The following ARRB2 variants were observed in gnomAD, a reference collection of about 807,000 sequenced individuals.
ARRB2 encodes arrestin beta 2.
Under a neutral mutation model 53.4 loss-of-function variants are expected in ARRB2, and 21 were observed. The ratio of observed to expected loss-of-function variants is 0.39; its 90% CI spans 0.28 to 0.57. The LOEUF is 0.57. Ranked by LOEUF, ARRB2 falls within the 20% of genes least tolerant of loss-of-function variation. The pLI, the probability that ARRB2 is intolerant of heterozygous loss-of-function variation, is 0.55. For missense variants in ARRB2, 369 were observed against 527.5 expected, an observed-to-expected ratio of 0.70 and a Z score of 2.94; for synonymous variants, 180 against 212.9, an observed-to-expected ratio of 0.85 and a Z score of 1.34.
chr17:4,716,983 C>T (rs1269137038), intron 5 of ARRB2: 4 of 589,240 alleles, frequency 6.8e-6, no homozygotes, highest in African/African-American at 1.9e-5. Flanking sequence ...TACAGGCACG[C>T]ACCACCACAC....
chr17:4,711,277 G>T (rs1391546426), intron 1 of ARRB2, among the ~76,000 whole-genome samples: 1 of 152,066 alleles, frequency 6.6e-6, no homozygotes, highest in South Asian at 2.1e-4. Flanking sequence ...AGCCGAGTGC[G>T]TGGCGACCCT....
Position 4,717,776 on chromosome 17 carries a change from G to A in ARRB2, c.485+24G>A. ...AGGTAAGGGAAGTGACCTCCTCTGT[G>A]GTGTAAGAGGAGGCTTTCCTCCCCG... On this transcript the variant is annotated intron_variant, in intron 7 of 14. Coordinates refer to ENST00000269260, the MANE Select transcript of ARRB2 (RefSeq NM_004313.4). This position sits in a 1 kb window ranked among gnomAD's most constrained non-coding sequence, Gnocchi z 6.0. 1 of 1,601,888 alleles carries A rather than the reference G, an allele frequency of 6.2e-7. No homozygotes were observed. Among genetic ancestry groups the A allele is most frequent in the Non-Finnish European group, 8.5e-7 (1 of 1,173,806 alleles).
chr17:4,718,782 C>CTT (rs11463798), intron 10 of ARRB2, 98 bp downstream of exon 10: 56,408 of 861,300 alleles, frequency 0.065, 405 homozygotes, highest in East Asian at 0.097. Context: ...CCATCTCCAC[C>CTT]TTTTTTTTTT....
At chr17:4,720,527 T>G in intron 13 of ARRB2, 55 bp downstream of exon 13, 1 of 1,583,682 alleles carries the variant, frequency 6.3e-7, no homozygotes, top group South Asian at 1.1e-5. Flanking sequence ...GCAGGGCCAG[T>G]GGAGGAAAAC....
chr17:4,721,039 G>C lies in ARRB2; in HGVS notation c.1230G>C (p.Ter410TyrextTer15). 6.2e-7 allele frequency: 1 copy of C among 1,613,938 alleles called. No homozygotes were observed. Among genetic ancestry groups the C allele is most frequent in the Non-Finnish European group, 8.5e-7 (1 of 1,179,854 alleles). The part of the protein sequence containing the change: ...KDDDYDDQLC[*>Y] ...ACGACTATGATGATCAACTCTGCTA[G>C]GAAGCGGGGTGGGAAGAAGGGAGGG... Residue 410 changes from the stop codon to tyrosine (Y), a stop_lost, in exon 15 of 15, where the codon TAG (stop) becomes TAC (tyrosine). Coordinates refer to ENST00000269260, the MANE Select transcript of ARRB2 (RefSeq NM_004313.4). This position sits in a 1 kb window ranked among gnomAD's most constrained non-coding sequence, Gnocchi z 4.2.
At chr17:4,720,329 G>T (rs1915563249) in intron 12 of ARRB2, 30 bp downstream of exon 12, 1 of 1,613,706 alleles carries the variant, frequency 6.2e-7, no homozygotes. Flanking sequence ...CTGGGTGGGG[G>T]TCACACTGGC....
At chr17:4,715,817 C>T in intron 2 of ARRB2, 156 bp from the exon 3 acceptor site, 1 of 796,236 alleles carries the variant, frequency 1.3e-6, no homozygotes, top group Non-Finnish European at 2.0e-6. Context: ...GAAACGCCAC[C>T]ACCCTCACTT....
chr17:4,721,293 T>A lies in ARRB2; in HGVS notation c.*254T>A. The stretch of plus-strand genomic sequence containing the variant: ...CCCCGCCGTGGGTGGCAAGCTGTGT[T>A]CATACCTAAATTTTCTGGAAGGGGA... On this transcript the variant is annotated 3_prime_UTR_variant, in exon 15 of 15. Transcript: ENST00000269260. The surrounding 1 kb of genome is among the most constrained non-coding windows in gnomAD (Gnocchi z 4.2). The A allele has an allele frequency of 2.0e-6, 1 of 491,130 alleles. No individual in the cohort carries two copies. Among genetic ancestry groups the A allele is most frequent in the South Asian group, 3.5e-5 (1 of 28,794 alleles). The allele number at this position is 491,130 out of a possible 1,614,324, so 30.4% of individuals were successfully genotyped here. A position where few individuals can be genotyped will look rare whatever the true frequency, so the allele number is the denominator to read the frequency against.
rs751248133 is a variant in ARRB2, at chr17:4,717,240, C to T, written c.381C>T (p.Ser127=). Residue 127 remains serine (S), a synonymous_variant, in exon 6 of 15, where the codon TCC becomes TCT. Coordinates refer to ENST00000269260, the MANE Select transcript of ARRB2 (RefSeq NM_004313.4). The surrounding 1 kb of genome is among the most constrained non-coding windows in gnomAD (Gnocchi z 6.0). Reference sequence around the variant, plus strand: ...AGATACCCCAGAATCTTCCATGCTCCGTCACACTGCAGCCAGGCCCAGAGG... The same window carrying T: ...AGATACCCCAGAATCTTCCATGCTCTGTCACACTGCAGCCAGGCCCAGAGG... ...FFTIPQNLPC[S]VTLQPGPEDT... is the part of the protein sequence containing the mutation. 8.1e-6 allele frequency: 13 copies of T among 1,614,000 alleles called. No individual in the cohort carries two copies. The highest frequency in any genetic ancestry group is 1.7e-5 in the Admixed American group (1 of 60,002).
chr17:4,719,452 G>A (rs971266140), intron 11 of ARRB2, 32 bp downstream of exon 11: 41 of 1,609,008 alleles, frequency 2.5e-5, no homozygotes, highest in Non-Finnish European at 3.5e-5. Flanking sequence ...GTCCCCTGCA[G>A]GCCAGGGGCC....
chr17:4,713,497 G>T (rs961601099), intron 1 of ARRB2, among the ~76,000 whole-genome samples: 3 of 151,928 alleles, frequency 2.0e-5, no homozygotes, highest in Non-Finnish European at 4.4e-5. Flanking sequence ...CGGGCGTGGT[G>T]GTGGGTGCCT....
In ARRB2 at chr17:4,717,436, T is replaced by G. The variant is rs190197690; in HGVS notation, c.417+160T>G. The stretch of plus-strand genomic sequence containing the variant: ...AGTGGGGCGTATGTGGTGGTCATTG[T>G]GCACGCATGACACTGCCTCCTGCTC... On this transcript the variant is annotated intron_variant, in intron 6 of 14. Coordinates refer to ENST00000269260, the MANE Select transcript of ARRB2 (RefSeq NM_004313.4). This position sits in a 1 kb window ranked among gnomAD's most constrained non-coding sequence, Gnocchi z 6.0. The G allele has an allele frequency of 9.3e-6, 9 of 964,372 alleles. No individual in the cohort carries two copies. The East Asian group carries it at 2.0e-4, about 21-fold the overall frequency. 59.7% of individuals were successfully genotyped at this position (964,372 alleles called of 1,614,324 possible). A position where few individuals can be genotyped will look rare whatever the true frequency, so the allele number is the denominator to read the frequency against.
intron 4 of ARRB2, 77 bp downstream of exon 4, chr17:4,716,268 C>A: frequency 1.2e-6 from 2 of 1,609,444 alleles, no homozygotes; most frequent in Non-Finnish European, 1.7e-6. Context: ...GGAAGGGCGC[C>A]CCAGAGAGAT....
chr17:4,715,117 C>T, intron 2 of ARRB2, 74 bp downstream of exon 2: 1 of 1,514,324 alleles, frequency 6.6e-7, no homozygotes, highest in Non-Finnish European at 9.0e-7. Context: ...CTAGACGATC[C>T]CCAACCTACC....
At position 4,718,588 on chromosome 17, in the gene ARRB2, G is replaced by A. The variant is rs562865273; in HGVS notation, c.707-24G>A. Reference sequence around the variant, plus strand: ...GGTGGCTTGTGCTCCATCCAGAGCTGCCTGACCCCGTCCCACCCCACAGTG... The same window carrying A: ...GGTGGCTTGTGCTCCATCCAGAGCTACCTGACCCCGTCCCACCCCACAGTG... On this transcript the variant is annotated intron_variant, in intron 9 of 14. Coordinates refer to ENST00000269260, the MANE Select transcript of ARRB2 (RefSeq NM_004313.4). The A allele has an allele frequency of 2.5e-5, 41 of 1,610,512 alleles. No homozygotes were observed. The East Asian group carries it at 8.9e-4, about 35-fold the overall frequency.
At chr17:4,716,667 TG>T in intron 5 of ARRB2, 59 bp downstream of exon 5, 1 of 1,534,392 alleles carries the variant, frequency 6.5e-7, no homozygotes. Context: ...GTGTCTGGGG[TG>T]GGGGTAAGGC....
Position 4,715,022 on chromosome 17 carries a change from GA to G in ARRB2, c.35del (p.Lys12SerfsTer18). 6.2e-7 allele frequency: 1 copy of G among 1,604,578 alleles called. No individual in the cohort carries two copies. Among genetic ancestry groups the G allele is most frequent in the Non-Finnish European group, 8.5e-7 (1 of 1,175,336 alleles). ...CTTTCTGTTTTGTTAGGGTCTTCAA[GA>G]AGTCGAGCCCTAACTGCAAGGTGAG... is the stretch of plus-strand genomic sequence containing the variant. Reference protein sequence around the residue: ...GEKPGTRVFKKSSPNCKLTVY... With the variant: ...GEKPGTRVFKXSSPNCKLTVY... On this transcript the variant is annotated frameshift_variant, in exon 2 of 15. Transcript: ENST00000269260. LOFTEE classifies it high-confidence loss of function.
chr17:4,714,238 T>C (rs1914724560), intron 1 of ARRB2, among the ~76,000 whole-genome samples: 1 of 152,224 alleles, frequency 6.6e-6, no homozygotes, highest in Admixed American at 6.5e-5. Context: ...CTGGGTCAGC[T>C]TCCTAAAGGC....
Position 4,717,837 on chromosome 17 carries a change from A to C in ARRB2, c.486-51A>C. On this transcript the variant is annotated intron_variant, in intron 7 of 14. Transcript: ENST00000269260. The surrounding 1 kb of genome is among the most constrained non-coding windows in gnomAD (Gnocchi z 6.0). Reference sequence around the variant, plus strand: ...CCCAGGCCCCGTGCGGGGGAGGAGTAGGGTTGGGGTGTGTGAGGAATGACC... The same window carrying C: ...CCCAGGCCCCGTGCGGGGGAGGAGTCGGGTTGGGGTGTGTGAGGAATGACC... 6.2e-7 allele frequency: 1 copy of C among 1,613,838 alleles called. No homozygotes were observed. Among genetic ancestry groups the C allele is most frequent in the Non-Finnish European group, 8.5e-7 (1 of 1,179,796 alleles).
Sources: gnomAD v4.1 joint callset for allele counts (sites outside exome capture counted in the v4.1 genomes callset) on GRCh38, gnomAD v4.1.1 for gene constraint, Gnocchi (gnomAD v3.1) non-coding constraint, MANE v1.5 for transcripts, NCBI Gene and HGNC (gene_info 2026-07-23, HGNC 2026-07-21) for gene names.